CHD5: variants seen among roughly 807,000 people sequenced by gnomAD.
CHD5 encodes chromodomain helicase DNA binding protein 5.
Under a neutral mutation model 230.3 loss-of-function variants are expected in CHD5, and 69 were observed. The observed-to-expected ratio is 0.30, with a 90% CI of 0.25 to 0.37. The LOEUF is 0.37. Ranked by LOEUF, CHD5 falls within the 10% of genes least tolerant of loss-of-function variation. The pLI, the probability that CHD5 is intolerant of heterozygous loss-of-function variation, is 1.00. For synonymous variants in CHD5, 1,064 were observed against 1,065.9 expected, an observed-to-expected ratio of 1.00 and a Z score of 0.03; for missense variants, 1,827 against 2,622.8, an observed-to-expected ratio of 0.70 and a Z score of 6.63.
chr1:6,127,499 A>G (rs532293272), intron 25 of CHD5, among the ~76,000 whole-genome samples: 2 of 151,940 alleles, frequency 1.3e-5, no homozygotes, highest in South Asian at 4.2e-4. Context: ...AAAAAAAAAA[A>G]AAGAAAATTG....
rs751701713 is a variant in CHD5 at position 6,123,961 on chromosome 1, C to A, written c.4686G>T (p.Pro1562=). 9 of 1,577,470 alleles carry A rather than the reference C, an allele frequency of 5.7e-6. No homozygotes were observed. Among genetic ancestry groups the A allele is most frequent in the Non-Finnish European group, 7.7e-6 (9 of 1,164,922 alleles). ...CAGCCCACAGACCTGGCAGGCCCAG[C>A]GGGGCTGGCAGGAGGTGGGCAGGGC... ...PASPAHLLPA[P]LGLPDKMEAQ... is the part of the protein sequence containing the mutation. Residue 1562 remains proline (P), a synonymous_variant, in exon 31 of 42, where the codon CCG becomes CCT. Coordinates refer to ENST00000262450, the MANE Select transcript of CHD5 (RefSeq NM_015557.3).
Position 6,129,832 on chromosome 1 carries a change from C to A in CHD5, c.3387+372G>T, listed in dbSNP as rs1666625837. ...AACAGGCCCCACTCTCTGCTCCCCA[C>A]CCCCTTCAAAATGGGTGCCCCTCTG... On this transcript the variant is annotated intron_variant, in intron 22 of 41. Transcript: ENST00000262450. This position sits in a 1 kb window ranked among gnomAD's most constrained non-coding sequence, Gnocchi z 6.8. Among the ~76,000 whole-genome samples the A allele has an allele frequency of 6.6e-6, 1 of 152,096 alleles. No homozygotes were observed. The highest frequency in any genetic ancestry group is 1.5e-5 in the Non-Finnish European group (1 of 68,008).
intron 38 of CHD5, among the ~76,000 whole-genome samples, chr1:6,107,013 GATGGAGGGATA>G (rs1339002572): frequency 7.1e-6 from 1 of 140,872 alleles, no homozygotes; most frequent in Non-Finnish European, 1.6e-5. Flanking sequence ...ATGGAGGGAT[GATGGAGGGATA>G]ATGGAGGGAA....
At chr1:6,170,329 C>T (rs573972235) in intron 1 of CHD5, among the ~76,000 whole-genome samples, 2 of 152,240 alleles carry the variant, frequency 1.3e-5, no homozygotes, top group South Asian at 4.1e-4. Flanking sequence ...GAGTCCTAAG[C>T]GGGGAAAGGG....
At position 6,175,707 on chromosome 1, in the gene CHD5, TGGAC is replaced by T. The variant is rs796198104; in HGVS notation, c.79+4234_79+4237del. Among the ~76,000 whole-genome samples the T allele has an allele frequency of 9.0e-3, 1,356 of 151,334 alleles. 24 individuals are homozygous for T. The highest frequency in any genetic ancestry group is 0.031 in the African/African-American group (1,288 of 41,156). On this transcript the variant is annotated intron_variant, in intron 1 of 41. Coordinates refer to ENST00000262450, the MANE Select transcript of CHD5 (RefSeq NM_015557.3). ...ATGGATGGATGGATGGATGGATGGA[TGGAC>T]GGACGGACGGATGGATATACATATG...
chr1:6,134,113 G>GGGGGGGGC lies in CHD5; in HGVS notation c.3144+14_3144+15insGCCCCCCC. ...GGGTGTGGAGCCGGGGCGGGGGTGG[G>GGGGGGGGC]CAGGGGCAGCGCACCTGGGAGAAGA... On this transcript the variant is annotated intron_variant, in intron 20 of 41. Coordinates refer to ENST00000262450, the MANE Select transcript of CHD5 (RefSeq NM_015557.3). The surrounding 1 kb of genome is among the most constrained non-coding windows in gnomAD (Gnocchi z 6.3). 2.3e-6 allele frequency: 3 copies of GGGGGGGGC among 1,304,128 alleles called. No individual in the cohort carries two copies. Among genetic ancestry groups the GGGGGGGGC allele is most frequent in the Non-Finnish European group, 3.3e-6 (3 of 918,986 alleles). 80.8% of individuals were successfully genotyped at this position (1,304,128 alleles called of 1,614,324 possible). A position where few individuals can be genotyped will look rare whatever the true frequency, so the allele number is the denominator to read the frequency against.
Position 6,124,668 on chromosome 1 carries a change from TGGGGG to T in CHD5, c.4395-12_4395-8del. 7 of 424,362 alleles carry T rather than the reference TGGGGG, an allele frequency of 1.6e-5. No individual in the cohort carries two copies. Among genetic ancestry groups the T allele is most frequent in the Non-Finnish European group, 3.0e-5 (7 of 236,966 alleles). The allele number at this position is 424,362 out of a possible 1,614,324, so 26.3% of individuals were successfully genotyped here. A position where few individuals can be genotyped will look rare whatever the true frequency, so the allele number is the denominator to read the frequency against. ...GAAGAGGGACACATAGGCTCTGGGGTGGGGGGGGGGGACTGGGGCTCAGGGAGTGG... is the reference window on the plus strand; with the variant it reads ...GAAGAGGGACACATAGGCTCTGGGGTGGGGGGACTGGGGCTCAGGGAGTGG... On this transcript the variant is annotated splice_region_variant and splice_polypyrimidine_tract_variant and intron_variant, in intron 29 of 41. Coordinates refer to ENST00000262450, the MANE Select transcript of CHD5 (RefSeq NM_015557.3).
intron 17 of CHD5, 105 bp from the exon 18 acceptor site, chr1:6,135,508 G>T: frequency 2.0e-6 from 2 of 1,012,376 alleles, no homozygotes; most frequent in Non-Finnish European, 2.9e-6. Context: ...GTGAACCAGG[G>T]AGCCCTGGCA....
chr1:6,111,819 G>C lies in CHD5; in HGVS notation c.5205C>G (p.Ile1735Met). 1 of 1,613,568 alleles carries C rather than the reference G, an allele frequency of 6.2e-7. No homozygotes were observed. Among genetic ancestry groups the C allele is most frequent in the Non-Finnish European group, 8.5e-7 (1 of 1,180,024 alleles). The change falls in exon 36 of 42, where the codon ATC becomes ATG. Residue 1735 changes from isoleucine (I) to methionine (M), a missense_variant. Coordinates refer to ENST00000262450, the MANE Select transcript of CHD5 (RefSeq NM_015557.3). Reference protein sequence around the residue: ...AAVSSGKIYDIWHRRHDYWLL... With the variant: ...AAVSSGKIYDMWHRRHDYWLL... Reference sequence around the variant, plus strand: ...GCCAGTAGTCATGGCGCCGGTGCCAGATGTCGTAGATTTTCCCAGAGGATA... The same window carrying C: ...GCCAGTAGTCATGGCGCCGGTGCCACATGTCGTAGATTTTCCCAGAGGATA...
Position 6,154,949 on chromosome 1 carries a change from G to C in CHD5, c.507-51C>G. 9 of 1,516,290 alleles carry C rather than the reference G, an allele frequency of 5.9e-6. No homozygotes were observed. Among genetic ancestry groups the C allele is most frequent in the Non-Finnish European group, 8.1e-6 (9 of 1,105,462 alleles). 93.9% of individuals were successfully genotyped at this position (1,516,290 alleles called of 1,614,324 possible). Reference sequence around the variant, plus strand: ...AGGGCAAGGCCAGGTGAGATGAGAGGCCCACCCGACCCCCGGCAGGGCCCA... The same window carrying C: ...AGGGCAAGGCCAGGTGAGATGAGAGCCCCACCCGACCCCCGGCAGGGCCCA... On this transcript the variant is annotated intron_variant, in intron 4 of 41. Transcript: ENST00000262450. The surrounding 1 kb of genome is among the most constrained non-coding windows in gnomAD (Gnocchi z 7.0).
rs766018161 is a variant in CHD5 at position 6,173,920 on chromosome 1, A to G, written c.80-5643T>C. On this transcript the variant is annotated intron_variant, in intron 1 of 41. Transcript: ENST00000262450. ...TCATAATTTATTTATGACATTTAACAAAACCCAGACATCACCTCATTGGTG... is the reference window on the plus strand; with the variant it reads ...TCATAATTTATTTATGACATTTAACGAAACCCAGACATCACCTCATTGGTG... Among the ~76,000 whole-genome samples, 135 of 152,350 alleles carry G rather than the reference A, an allele frequency of 8.9e-4. 2 individuals are homozygous for G. The highest frequency in any genetic ancestry group is 1.4e-3 in the Non-Finnish European group (97 of 68,044).
rs1412826807 is a variant in CHD5, at chr1:6,126,809, G to T, written c.3904-63C>A. The T allele has an allele frequency of 3.3e-6, 5 of 1,530,456 alleles. No individual in the cohort carries two copies. Among genetic ancestry groups the T allele is most frequent in the Non-Finnish European group, 4.5e-6 (5 of 1,119,560 alleles). 94.8% of individuals were successfully genotyped at this position (1,530,456 alleles called of 1,614,324 possible). A position where few individuals can be genotyped will look rare whatever the true frequency, so the allele number is the denominator to read the frequency against. ...ATCTCTGCCCTCCCGGAAGCCTCAG[G>T]CTGCCTCCACCTGACCTGCCCTTTG... is the stretch of plus-strand genomic sequence containing the variant. On this transcript the variant is annotated intron_variant, in intron 25 of 41. Transcript: ENST00000262450. The surrounding 1 kb of genome is among the most constrained non-coding windows in gnomAD (Gnocchi z 5.7).
In CHD5 at chr1:6,134,691, G is replaced by A. The variant is rs753740145; in HGVS notation, c.3012+27C>T. 9.3e-6 allele frequency: 15 copies of A among 1,612,516 alleles called. No homozygotes were observed. The South Asian group carries it at 1.3e-4, about 14-fold the overall frequency. On this transcript the variant is annotated intron_variant, in intron 19 of 41. Transcript: ENST00000262450. The surrounding 1 kb of genome is among the most constrained non-coding windows in gnomAD (Gnocchi z 6.3). The stretch of plus-strand genomic sequence containing the variant: ...CACCTACCATGGCGGTCATGGAGAA[G>A]CTGCCATGATGGCCGGGGAAACCTA...
intron 2 of CHD5, among the ~76,000 whole-genome samples, chr1:6,165,048 G>A (rs983160581): frequency 2.6e-5 from 4 of 152,092 alleles, no homozygotes; most frequent in Non-Finnish European, 5.9e-5. Context: ...ATAAGGACCT[G>A]GACAAAAACA....
Position 6,134,698 on chromosome 1 carries a change from T to C in CHD5, c.3012+20A>G, listed in dbSNP as rs1326933996. ...CATGGCGGTCATGGAGAAGCTGCCA[T>C]GATGGCCGGGGAAACCTACCACGGC... On this transcript the variant is annotated intron_variant, in intron 19 of 41. Coordinates refer to ENST00000262450, the MANE Select transcript of CHD5 (RefSeq NM_015557.3). This position sits in a 1 kb window ranked among gnomAD's most constrained non-coding sequence, Gnocchi z 6.3. 2 of 1,613,552 alleles carry C rather than the reference T, an allele frequency of 1.2e-6. No homozygotes were observed. The highest frequency in any genetic ancestry group is 1.7e-6 in the Non-Finnish European group (2 of 1,179,768).
Position 6,146,541 on chromosome 1 carries a change from C to G in CHD5, c.1591-118G>C. ...CAGGCAGGACAATCCTCCCGCTCAG[C>G]ACCACCCCAACTCCCAACAGCACCC... On this transcript the variant is annotated intron_variant, in intron 10 of 41. Transcript: ENST00000262450. This position sits in a 1 kb window ranked among gnomAD's most constrained non-coding sequence, Gnocchi z 5.1. 1.4e-6 allele frequency: 2 copies of G among 1,389,836 alleles called. No individual in the cohort carries two copies. Among genetic ancestry groups the G allele is most frequent in the Non-Finnish European group, 2.0e-6 (2 of 987,682 alleles). The allele number at this position is 1,389,836 out of a possible 1,614,324, so 86.1% of individuals were successfully genotyped here.
intron 15 of CHD5, among the ~76,000 whole-genome samples, chr1:6,141,706 A>C (rs1161072919): frequency 1.3e-5 from 2 of 152,190 alleles, no homozygotes; most frequent in African/African-American, 4.8e-5. Context: ...TGTTTATAGG[A>C]TGAGAAACAG....
Position 6,125,875 on chromosome 1 carries a change from A to G in CHD5, c.4079-17T>C. ...CCTGCCACTCTGCAGGGGGCCAGAC[A>G]GAGGGGCACGGAGTGAGCTGTACAA... On this transcript the variant is annotated splice_polypyrimidine_tract_variant and intron_variant, in intron 26 of 41. Transcript: ENST00000262450. The surrounding 1 kb of genome is among the most constrained non-coding windows in gnomAD (Gnocchi z 6.7). The G allele has an allele frequency of 6.3e-7, 1 of 1,595,986 alleles. No homozygotes were observed. The highest frequency in any genetic ancestry group is 1.1e-5 in the South Asian group (1 of 90,810).
rs923851216 is a variant in CHD5 at position 6,129,436 on chromosome 1, G to A, written c.3388-367C>T. On this transcript the variant is annotated intron_variant, in intron 22 of 41. Coordinates refer to ENST00000262450, the MANE Select transcript of CHD5 (RefSeq NM_015557.3). This position sits in a 1 kb window ranked among gnomAD's most constrained non-coding sequence, Gnocchi z 6.8. Reference sequence around the variant, plus strand: ...TAGGAGGCTGCATTTCCCTGTGAGCGAACCACTAATGGGACCACAAGACCA... The same window carrying A: ...TAGGAGGCTGCATTTCCCTGTGAGCAAACCACTAATGGGACCACAAGACCA... Among the ~76,000 whole-genome samples, 3 of 152,160 alleles carry A rather than the reference G, an allele frequency of 2.0e-5. No individual in the cohort carries two copies. Among genetic ancestry groups the A allele is most frequent in the Non-Finnish European group, 4.4e-5 (3 of 68,014 alleles).
Sources: allele counts gnomAD v4.1 joint callset (sites outside exome capture counted in the v4.1 genomes callset), GRCh38; gene constraint gnomAD v4.1.1; non-coding constraint Gnocchi (gnomAD v3.1); transcripts MANE v1.5; gene names NCBI Gene and HGNC (gene_info 2026-07-23, HGNC 2026-07-21).